TCOF1: variants seen among roughly 807,000 people sequenced by gnomAD.
TCOF1 encodes the protein treacle ribosome biogenesis factor 1.
In TCOF1, 33 loss-of-function variants were observed where a neutral mutation model predicts 149.0. That is an observed-to-expected ratio of 0.22 (90% CI 0.17 to 0.30). TCOF1 has a LOEUF of 0.30. Among genes scored for constraint, TCOF1 ranks in the 10% least tolerant of loss-of-function variants. The probability of loss-of-function intolerance (pLI) is 1.00; values close to 1 mark genes in which losing one functional copy is unlikely to be tolerated. For missense variants in TCOF1, 1,728 were observed against 1,840.7 expected (o/e 0.94, Z 1.12); for synonymous variants, 789 against 738.8 (o/e 1.07, Z -1.10).
chr5:150,391,266 A>G (rs116092030), intron 19 of TCOF1, among the ~76,000 whole-genome samples: 200 of 152,290 alleles, frequency 1.3e-3, no homozygotes, highest in African/African-American at 4.7e-3. Flanking sequence ...AGAAGTAGAG[A>G]TGGGGGTCCA....
intron 26 of TCOF1, among the ~76,000 whole-genome samples, chr5:150,399,422 C>T (rs1769318003): frequency 6.6e-6 from 1 of 152,102 alleles, no homozygotes; most frequent in African/African-American, 2.4e-5. Context: ...CCTCATGATC[C>T]TGTAACTTGG....
At chr5:150,393,608 G>A in intron 23 of TCOF1, 56 bp downstream of exon 23, 3 of 1,606,272 alleles carry the variant, frequency 1.9e-6, no homozygotes, top group Non-Finnish European at 1.7e-6. Flanking sequence ...AGGGCAGTGG[G>A]CCCCTTCTTG....
At chr5:150,383,961 A>G (rs1030036354) in intron 17 of TCOF1, 9 of 1,441,190 alleles carry the variant, frequency 6.2e-6, no homozygotes, top group African/African-American at 2.9e-5. Flanking sequence ...TGGCCCTTCC[A>G]TCAGACAGCA....
chr5:150,382,055 G>A (rs979881507), intron 17 of TCOF1, among the ~76,000 whole-genome samples: 1 of 152,164 alleles, frequency 6.6e-6, no homozygotes, highest in African/African-American at 2.4e-5. Flanking sequence ...AACTAGCTGG[G>A]CCTGGTGGCA....
intron 17 of TCOF1, chr5:150,383,976 C>A: frequency 7.0e-7 from 1 of 1,421,486 alleles, no homozygotes; most frequent in South Asian, 1.6e-5. Flanking sequence ...ACAGCATTAC[C>A]CTTTGTCCTC....
chr5:150,359,320 C>G (rs943624278), intron 1 of TCOF1, among the ~76,000 whole-genome samples: 1 of 149,360 alleles, frequency 6.7e-6, no homozygotes, highest in African/African-American at 2.5e-5. Context: ...GCACTCCATC[C>G]TGGGTGACAA....
intron 1 of TCOF1, among the ~76,000 whole-genome samples, chr5:150,359,173 C>A (rs568313410): frequency 6.6e-6 from 1 of 151,994 alleles, no homozygotes; most frequent in Non-Finnish European, 1.5e-5. Context: ...ATGGTGAAAC[C>A]CTGTCTCTAC....
At chr5:150,386,108 C>T (rs1443821477) in intron 17 of TCOF1, among the ~76,000 whole-genome samples, 1 of 152,190 alleles carries the variant, frequency 6.6e-6, no homozygotes, top group Non-Finnish European at 1.5e-5. Flanking sequence ...CACTGCCCAC[C>T]TTTATGAACT....
At chr5:150,363,993 G>A in intron 2 of TCOF1, 120 bp from the exon 3 acceptor site, 9 of 1,469,964 alleles carry the variant, frequency 6.1e-6, no homozygotes, top group Non-Finnish European at 8.5e-6. Flanking sequence ...TTTCACCACT[G>A]TTTAGATTCT....
chr5:150,368,608 C>T (rs1398771510), intron 4 of TCOF1, 108 bp from the exon 5 acceptor site: 3 of 1,360,720 alleles, frequency 2.2e-6, no homozygotes, highest in Non-Finnish European at 3.1e-6. Context: ...GTAGTTTACC[C>T]AAACTCACAC....
intron 23 of TCOF1, among the ~76,000 whole-genome samples, chr5:150,395,537 GTT>G (rs78830397): frequency 2.1e-5 from 3 of 143,884 alleles, no homozygotes; most frequent in Non-Finnish European, 1.5e-5. Flanking sequence ...GCTGTGGAAG[GTT>G]TTTTTTTTTT....
At chr5:150,381,908 G>C (rs1296758138) in intron 17 of TCOF1, among the ~76,000 whole-genome samples, 1 of 152,154 alleles carries the variant, frequency 6.6e-6, no homozygotes, top group Admixed American at 6.6e-5. Context: ...TAAAGTGCTG[G>C]GGGCAGGCCA....
At chr5:150,393,812 A>G (rs1192167400) in intron 23 of TCOF1, 3 of 506,002 alleles carry the variant, frequency 5.9e-6, no homozygotes, top group Non-Finnish European at 7.2e-6. Context: ...CCAGGAGTTC[A>G]AGGCCAGCCT....
chr5:150,375,932 G>A (rs1343041571), intron 12 of TCOF1, 23 bp downstream of exon 12: 9 of 1,614,122 alleles, frequency 5.6e-6, no homozygotes, highest in Middle Eastern at 1.7e-4. Flanking sequence ...GAAGGAGGCT[G>A]CTACATGGCC....
At position 150,375,050 on chromosome 5, in the gene TCOF1, A is replaced by G; in HGVS notation, c.1375A>G (p.Thr459Ala). Reference sequence around the variant, plus strand: ...GGCTGCCCCAGCACCTCCTAGGAAAACAGGGCCTGCAGCCGCCCAGGTCCA... The same window carrying G: ...GGCTGCCCCAGCACCTCCTAGGAAAGCAGGGCCTGCAGCCGCCCAGGTCCA... ...KGAAPAPPRK[T>A]GPAAAQVQVG... The change falls in exon 10 of 27, where the codon ACA (threonine) becomes GCA (alanine). Residue 459 changes from threonine to alanine, a missense_variant. Thr to Ala is a moderately conservative substitution (Grantham distance 58). Coordinates refer to ENST00000643257, the MANE Select transcript of TCOF1 (RefSeq NM_001371623.1). The G allele has an allele frequency of 6.2e-7, 1 of 1,614,046 alleles. No individual in the cohort carries two copies. Among genetic ancestry groups the G allele is most frequent in the South Asian group, 1.1e-5 (1 of 91,084 alleles).
intron 23 of TCOF1, among the ~76,000 whole-genome samples, chr5:150,395,200 G>C (rs1317470808): frequency 6.6e-6 from 1 of 152,242 alleles, no homozygotes; most frequent in Non-Finnish European, 1.5e-5. Flanking sequence ...CATGCTGCAG[G>C]GGGCAGCCCT....
chr5:150,394,579 C>T (rs1310476979), intron 23 of TCOF1: 1 of 152,258 alleles, frequency 6.6e-6, no homozygotes, highest in Non-Finnish European at 1.5e-5. Context: ...GGGACAGCTC[C>T]AGGGCTTCCC....
intron 1 of TCOF1, among the ~76,000 whole-genome samples, chr5:150,360,315 C>T (rs72805934): frequency 0.041 from 6,259 of 152,322 alleles, 214 homozygotes; most frequent in Non-Finnish European, 0.058. Flanking sequence ...ATTGGGCCCT[C>T]TGGCCTCTGC....
chr5:150,357,736 G>T lies in TCOF1; in HGVS notation c.-11G>T, dbSNP rs1054278659. The T allele has an allele frequency of 6.5e-7, 1 of 1,547,830 alleles. No homozygotes were observed. Among genetic ancestry groups the T allele is most frequent in the Non-Finnish European group, 8.7e-7 (1 of 1,146,064 alleles). On this transcript the variant is annotated 5_prime_UTR_variant, in exon 1 of 27. Coordinates refer to ENST00000643257, the MANE Select transcript of TCOF1 (RefSeq NM_001371623.1). ...GGCGTGCAGGTAGCCGGCCGGCCGG[G>T]GGTCGCGGGTATGGCCGAGGCCAGG...
Sources: gnomAD v4.1 joint callset for allele counts (sites outside exome capture counted in the v4.1 genomes callset) on GRCh38, gnomAD v4.1.1 for gene constraint, MANE v1.5 for transcripts, NCBI Gene and HGNC (gene_info 2026-07-23, HGNC 2026-07-21) for gene names.